The following PDCD11 variants were observed in gnomAD, a reference collection of about 807,000 sequenced individuals.
PDCD11 encodes the protein programmed cell death 11.
A neutral mutation model predicts 198.9 loss-of-function variants in PDCD11; 97 were observed. The ratio of observed to expected loss-of-function variants is 0.49; its 90% CI spans 0.41 to 0.58. The LOEUF (loss-of-function observed/expected upper bound fraction) is 0.58, where lower values mean the gene tolerates loss of function less well. Among genes scored for constraint, PDCD11 ranks in the 20% least tolerant of loss-of-function variants. The probability of loss-of-function intolerance (pLI) is 0.00; values close to 1 mark genes in which losing one functional copy is unlikely to be tolerated. For synonymous variants in PDCD11, 893 were observed against 918.0 expected, an observed-to-expected ratio of 0.97 and a Z score of 0.49; for missense variants, 2,102 against 2,312.7, an observed-to-expected ratio of 0.91 and a Z score of 1.87.
intron 6 of PDCD11, 138 bp downstream of exon 6, chr10:103,406,246 T>G (rs1221940608): frequency 3.2e-6 from 3 of 952,284 alleles, no homozygotes; most frequent in African/African-American, 3.3e-5. Flanking sequence ...CAGCACTTAA[T>G]CCTAGTTAAT....
chr10:103,444,159 G>A, intron 34 of PDCD11, 91 bp downstream of exon 34: 1 of 1,096,134 alleles, frequency 9.1e-7, no homozygotes, highest in Non-Finnish European at 1.3e-6. Flanking sequence ...TAAGTCAGGA[G>A]AGCCTTGTGA....
chr10:103,432,052 A>C (rs376119991), intron 21 of PDCD11, 77 bp from the exon 22 acceptor site: 42 of 1,110,634 alleles, frequency 3.8e-5, no homozygotes, highest in Non-Finnish European at 5.1e-5. Flanking sequence ...ATCCGTGGCC[A>C]CTTGGGAGAG....
chr10:103,419,748 A>G lies in PDCD11; in HGVS notation c.2277+40A>G, dbSNP rs771085229. ...ATGTACAAGGGCTTTGAGGAGAGATACAAGGTCACAGAACCTGAGGGCGGG... is the reference window on the plus strand; with the variant it reads ...ATGTACAAGGGCTTTGAGGAGAGATGCAAGGTCACAGAACCTGAGGGCGGG... On this transcript the variant is annotated intron_variant, in intron 16 of 35. Transcript: ENST00000369797. 2.9e-5 allele frequency: 46 copies of G among 1,588,750 alleles called. No homozygotes were observed. In the Admixed American group the frequency reaches 7.9e-4, roughly 27 times the overall value.
In PDCD11 at chr10:103,416,638, G is replaced by A. The variant is rs773671872; in HGVS notation, c.1666G>A (p.Gly556Ser). The A allele has an allele frequency of 1.3e-5, 21 of 1,614,104 alleles. No homozygotes were observed. The Admixed American group carries it at 1.7e-4, about 13-fold the overall frequency. The change falls in exon 13 of 36, where the codon GGC becomes AGC. Residue 556 changes from glycine to serine, a missense_variant. Transcript: ENST00000369797. ...HGFIIRVKDY[G>S]CIVKFYNNVQ... is the part of the protein sequence containing the mutation. ...CTTCATCATCAGGGTCAAGGACTAT[G>A]GCTGCATTGTGAAGTTCTACAACAA...
chr10:103,411,791 G>A (rs991189365), intron 8 of PDCD11, among the ~76,000 whole-genome samples: 17 of 151,954 alleles, frequency 1.1e-4, no homozygotes, highest in African/African-American at 3.4e-4. Context: ...CACCCTATAA[G>A]CATTTGTGTA....
At chr10:103,408,850 C>T (rs554193326) in intron 7 of PDCD11, among the ~76,000 whole-genome samples, 47 of 152,072 alleles carry the variant, frequency 3.1e-4, no homozygotes, top group African/African-American at 1.0e-3. Context: ...TCTTGTTGAC[C>T]GTTTAACTTT....
At chr10:103,423,165 G>T in intron 18 of PDCD11, 28 bp downstream of exon 18, 1 of 1,517,960 alleles carries the variant, frequency 6.6e-7, no homozygotes, top group Non-Finnish European at 8.8e-7. Context: ...ACCCATTGTG[G>T]TTGGTGGGAG....
At position 103,434,018 on chromosome 10, in the gene PDCD11, T is replaced by C; in HGVS notation, c.3545T>C (p.Leu1182Pro). 6.2e-7 allele frequency: 1 copy of C among 1,613,668 alleles called. No homozygotes were observed. Among genetic ancestry groups the C allele is most frequent in the Non-Finnish European group, 8.5e-7 (1 of 1,179,536 alleles). ...ATCCGGGGGAGAATTCCCTTATTGC[T>C]CACTTCTCTGAGCTTCAAGGTCAGT... ...PDIRGRIPLL[L>P]TSLSFKVLKH... Residue 1182 changes from leucine to proline, a missense_variant, in exon 23 of 36, where the codon CTC (leucine) becomes CCC (proline). Transcript: ENST00000369797.
chr10:103,437,556 C>T (rs1448536725), intron 25 of PDCD11, among the ~76,000 whole-genome samples: 2 of 151,950 alleles, frequency 1.3e-5, no homozygotes, highest in Non-Finnish European at 2.9e-5. Flanking sequence ...GGCACGATCT[C>T]GGCTCACTGC....
chr10:103,400,368 C>T, intron 2 of PDCD11, 29 bp from the exon 3 acceptor site: 2 of 1,595,294 alleles, frequency 1.3e-6, no homozygotes, highest in Non-Finnish European at 8.5e-7. Flanking sequence ...TCTTTTGGGT[C>T]TTTGTGGGCT....
chr10:103,407,987 G>A (rs1384346668), intron 7 of PDCD11, among the ~76,000 whole-genome samples: 1 of 152,062 alleles, frequency 6.6e-6, no homozygotes, highest in East Asian at 1.9e-4. Context: ...CCAAAATGCC[G>A]TGATTACAGG....
chr10:103,435,116 C>T, intron 25 of PDCD11, 141 bp downstream of exon 25: 1 of 506,358 alleles, frequency 2.0e-6, no homozygotes, highest in Non-Finnish European at 3.2e-6. Flanking sequence ...CCCTCTGTTT[C>T]TCTACCACTT....
Position 103,413,299 on chromosome 10 carries a change from G to C in PDCD11, c.1162G>C (p.Asp388His). Reference protein sequence around the residue: ...KKAGATFRLKDGVLAYARLSH... With the variant: ...KKAGATFRLKHGVLAYARLSH... Reference sequence around the variant, plus strand: ...GGCTGGGGCCACCTTTAGGCTGAAGGATGGGGTTCTGGCCTATGCCCGGGT... The same window carrying C: ...GGCTGGGGCCACCTTTAGGCTGAAGCATGGGGTTCTGGCCTATGCCCGGGT... Residue 388 changes from aspartate to histidine, a missense_variant, in exon 9 of 36, where the codon GAT becomes CAT. By Grantham distance (81) the Asp-to-His change is moderately conservative. Transcript: ENST00000369797. 1 of 1,614,208 alleles carries C rather than the reference G, an allele frequency of 6.2e-7. No homozygotes were observed. The highest frequency in any genetic ancestry group is 8.5e-7 in the Non-Finnish European group (1 of 1,180,010).
intron 2 of PDCD11, 39 bp downstream of exon 2, chr10:103,398,567 T>G (rs752919327): frequency 7.6e-7 from 1 of 1,313,682 alleles, no homozygotes; most frequent in Non-Finnish European, 1.1e-6. Flanking sequence ...CACTGGAAAC[T>G]TTTACTGTAG....
intron 3 of PDCD11, among the ~76,000 whole-genome samples, chr10:103,402,861 G>A (rs893058169): frequency 6.6e-6 from 1 of 152,102 alleles, no homozygotes; most frequent in Non-Finnish European, 1.5e-5. Flanking sequence ...TCACCTCCGA[G>A]TACCTGCGAC....
intron 25 of PDCD11, among the ~76,000 whole-genome samples, chr10:103,436,518 C>T (rs1420213354): frequency 6.6e-6 from 1 of 152,182 alleles, no homozygotes; most frequent in Admixed American, 6.5e-5. Flanking sequence ...AGTAACTGCC[C>T]TCTCCTGTCT....
intron 21 of PDCD11, among the ~76,000 whole-genome samples, chr10:103,429,307 T>C (rs1458888992): frequency 2.0e-5 from 3 of 152,232 alleles, no homozygotes; most frequent in Non-Finnish European, 4.4e-5. Context: ...CATTCAGTAC[T>C]GCCAACCCTT....
rs1275268396 is a variant in PDCD11, at chr10:103,411,483, A to C, written c.979-1633A>C. On this transcript the variant is annotated intron_variant, in intron 8 of 35. Transcript: ENST00000369797. ...TGGGTTCAGGCGATCCTTCCACCTC[A>C]GCCTCCTGAGTAGCTGGGACTACGG... Among the ~76,000 whole-genome samples, 3 of 152,114 alleles carry C rather than the reference A, an allele frequency of 2.0e-5. No individual in the cohort carries two copies. The East Asian group carries it at 5.8e-4, about 29-fold the overall frequency.
Position 103,434,815 on chromosome 10 carries a change from G to A in PDCD11, c.3685G>A (p.Glu1229Lys), listed in dbSNP as rs749071188. Reference sequence around the variant, plus strand: ...TCCACCAGGTCCTCACAAGCTTGAGGAAGGGGAAGTGGCCATGGGCCGAGT... The same window carrying A: ...TCCACCAGGTCCTCACAAGCTTGAGAAAGGGGAAGTGGCCATGGGCCGAGT... ...LSLTGPHKLE[E>K]GEVAMGRVVK... is the part of the protein sequence containing the mutation. Residue 1229 changes from glutamate to lysine, a missense_variant, in exon 25 of 36, where the codon GAA (glutamate) becomes AAA (lysine). By Grantham distance (56) the Glu-to-Lys change is moderately conservative (BLOSUM62 1). Coordinates refer to ENST00000369797, the MANE Select transcript of PDCD11 (RefSeq NM_014976.2). 13 of 1,610,272 alleles carry A rather than the reference G, an allele frequency of 8.1e-6. No homozygotes were observed. The highest frequency in any genetic ancestry group is 1.1e-5 in the Non-Finnish European group (13 of 1,178,414).
Sources: allele counts gnomAD v4.1 joint callset (sites outside exome capture counted in the v4.1 genomes callset), GRCh38; gene constraint gnomAD v4.1.1; transcripts MANE v1.5; gene names NCBI Gene and HGNC (gene_info 2026-07-23, HGNC 2026-07-21).